STK33: variants seen among roughly 807,000 people sequenced by gnomAD.
STK33 encodes serine/threonine-protein kinase 33.
A neutral mutation model predicts 58.0 loss-of-function variants in STK33; 52 were observed. The ratio of observed to expected loss-of-function variants is 0.90; its 90% confidence interval spans 0.72 to 1.13. The LOEUF (loss-of-function observed/expected upper bound fraction) is 1.13, where lower values mean the gene tolerates loss of function less well. STK33 is among the 50% of genes most tolerant of loss of function. The pLI is 0.00. For synonymous variants in STK33, 215 were observed against 200.1 expected (o/e 1.07, Z -0.63); for missense variants, 630 against 604.2 (o/e 1.04, Z -0.45).
chr11:8,360,444 T>C, the STK33 span, among the ~76,000 whole-genome samples: 541 of 152,382 alleles, frequency 3.6e-3, 3 homozygotes, highest in African/African-American at 0.012. Context: ...CATTGTCCAA[T>C]ACAAGTCATG....
intron 1 of STK33, among the ~76,000 whole-genome samples, chr11:8,551,289 C>T (rs1431034158): frequency 1.3e-5 from 2 of 152,054 alleles, no homozygotes; most frequent in Non-Finnish European, 2.9e-5. Flanking sequence ...ACCACCACAA[C>T]TGGCTAATTT....
At chr11:8,487,004 C>T (rs12273419) in intron 1 of STK33, among the ~76,000 whole-genome samples, 5,641 of 152,192 alleles carry the variant, frequency 0.037, 199 homozygotes, top group Admixed American at 0.071. Context: ...AGTAAAATAA[C>T]CAGTTCAGTT....
intron 1 of STK33, among the ~76,000 whole-genome samples, chr11:8,575,194 C>A (rs1227273349): frequency 6.6e-6 from 1 of 152,178 alleles, no homozygotes; most frequent in African/African-American, 2.4e-5. Flanking sequence ...AGTTTGGTGG[C>A]TTCGCAAAGA....
chr11:8,465,461 T>A (rs945618296), intron 6 of STK33: 3 of 152,242 alleles, frequency 2.0e-5, no homozygotes, highest in Non-Finnish European at 4.4e-5. Context: ...AACTTCTGCT[T>A]ATAAAGAAAG....
chr11:8,531,274 G>GT (rs1954525912), intron 1 of STK33, among the ~76,000 whole-genome samples: 1 of 152,146 alleles, frequency 6.6e-6, no homozygotes, highest in African/African-American at 2.4e-5. Flanking sequence ...ATAAATACAG[G>GT]TAAGAAAGAT....
chr11:8,449,532 A>G (rs1048520096), intron 11 of STK33, among the ~76,000 whole-genome samples: 3 of 151,160 alleles, frequency 2.0e-5, no homozygotes, highest in African/African-American at 7.4e-5. Flanking sequence ...TATCGCAAGG[A>G]CAAAAAACCA....
intron 8 of STK33, among the ~76,000 whole-genome samples, chr11:8,459,194 G>C (rs1444112634): frequency 6.6e-6 from 1 of 152,184 alleles, no homozygotes; most frequent in African/African-American, 2.4e-5. Flanking sequence ...AGAAACAACT[G>C]TGTAGACCTG....
chr11:8,442,029 CTACA>C (rs748543144), intron 11 of STK33, among the ~76,000 whole-genome samples: 2 of 111,928 alleles, frequency 1.8e-5, no homozygotes, highest in Non-Finnish European at 3.6e-5. Context: ...ATACCTACAC[CTACA>C]CACACACACA....
chr11:8,446,699 T>C (rs1007451176), intron 11 of STK33, among the ~76,000 whole-genome samples: 2 of 151,976 alleles, frequency 1.3e-5, no homozygotes, highest in Non-Finnish European at 2.9e-5. Flanking sequence ...ACAAATCTGA[T>C]AGAAACAAGC....
At chr11:8,470,956 A>G (rs1200986399) in intron 6 of STK33, among the ~76,000 whole-genome samples, 3 of 152,248 alleles carry the variant, frequency 2.0e-5, no homozygotes, top group African/African-American at 7.2e-5. Flanking sequence ...GCACAAAATG[A>G]GCACATGCTG....
intron 14 of STK33, among the ~76,000 whole-genome samples, chr11:8,426,165 T>C (rs1942717758): frequency 6.6e-6 from 1 of 151,690 alleles, no homozygotes; most frequent in South Asian, 2.1e-4. Context: ...GAGTGGAGGT[T>C]CTCAGCAGAT....
At chr11:8,578,967 A>G (rs1189606843) in intron 1 of STK33, among the ~76,000 whole-genome samples, 1 of 152,084 alleles carries the variant, frequency 6.6e-6, no homozygotes, top group Non-Finnish European at 1.5e-5. Context: ...TCAGGTATAT[A>G]AAACAATTAT....
intron 1 of STK33, among the ~76,000 whole-genome samples, chr11:8,526,595 C>G (rs1468397325): frequency 6.6e-6 from 1 of 151,958 alleles, no homozygotes; most frequent in Non-Finnish European, 1.5e-5. Context: ...GCAATAAAAA[C>G]CTGGAGACAA....
intron 1 of STK33, among the ~76,000 whole-genome samples, chr11:8,487,429 A>T (rs1174064866): frequency 7.9e-5 from 12 of 151,416 alleles, no homozygotes; most frequent in Non-Finnish European, 1.8e-4. Flanking sequence ...CTCAAAAAAA[A>T]AAAAAAAAAA....
chr11:8,425,696 A>C (rs769159289), intron 14 of STK33, among the ~76,000 whole-genome samples: 3 of 152,206 alleles, frequency 2.0e-5, no homozygotes, highest in Non-Finnish European at 4.4e-5. Context: ...TTTTTAAAAA[A>C]TTCAATTAGA....
At chr11:8,570,223 A>G (rs890523708) in intron 1 of STK33, among the ~76,000 whole-genome samples, 1 of 152,226 alleles carries the variant, frequency 6.6e-6, no homozygotes, top group Non-Finnish European at 1.5e-5. Flanking sequence ...ACATCCCTAC[A>G]CATCGTCCAG....
downstream of STK33, among the ~76,000 whole-genome samples, chr11:8,388,068 C>T (rs755057861): frequency 6.6e-6 from 1 of 152,180 alleles, no homozygotes; most frequent in African/African-American, 2.4e-5. Context: ...GTCTGCACGG[C>T]GTCTCTAGTC....
At chr11:8,531,875 G>T (rs1039968477) in intron 1 of STK33, among the ~76,000 whole-genome samples, 1 of 152,080 alleles carries the variant, frequency 6.6e-6, no homozygotes, top group Admixed American at 6.5e-5. Flanking sequence ...GAAGCCTAGA[G>T]GAAATAATTT....
chr11:8,589,612 T>A (rs2032276131), intron 1 of STK33, among the ~76,000 whole-genome samples: 2 of 152,164 alleles, frequency 1.3e-5, no homozygotes, highest in Non-Finnish European at 2.9e-5. Flanking sequence ...ACTATTTAAC[T>A]AGTGTGCACT....
Sources: gnomAD v4.1 joint callset for allele counts (sites outside exome capture counted in the v4.1 genomes callset) on GRCh38, gnomAD v4.1.1 for gene constraint, MANE v1.5 for transcripts, NCBI Gene and HGNC (gene_info 2026-07-23, HGNC 2026-07-21) for gene names.